The following GTF3C2 variants were observed in gnomAD, a reference collection of about 807,000 sequenced individuals.
The protein encoded by GTF3C2 is general transcription factor IIIC subunit 2.
In GTF3C2, 17 loss-of-function variants were observed where a neutral mutation model predicts 117.4. The observed-to-expected ratio is 0.14, with a 90% CI of 0.10 to 0.22. The LOEUF (loss-of-function observed/expected upper bound fraction) is 0.22. GTF3C2 is among the 10% of genes least tolerant of loss of function. GTF3C2 has a pLI of 1.00. For synonymous variants in GTF3C2, 437 were observed against 427.0 expected, an observed-to-expected ratio of 1.02 and a Z score of -0.29; for missense variants, 888 against 1,143.6, an observed-to-expected ratio of 0.78 and a Z score of 3.22.
Position 27,329,518 on chromosome 2 carries a change from C to G in GTF3C2, c.1738G>C (p.Val580Leu). ...TTAGTGGGAAGGTTCCAGAAAACCA[C>G]CATGCCTGAAATAAGGACAGAATGT... The change falls in exon 13 of 19, where the codon GTG becomes CTG. Residue 580 changes from valine (V) to leucine (L), a missense_variant. By Grantham distance (32) the Val-to-Leu change is conservative. This residue lies in a region of GTF3C2 where 277 missense variants were observed against 445.4 expected (regional missense o/e 0.62). Transcript: ENST00000264720. The surrounding 1 kb of genome is among the most constrained non-coding windows in gnomAD (Gnocchi z 4.5). 1 of 1,613,954 alleles carries G rather than the reference C, an allele frequency of 6.2e-7. No homozygotes were observed. Among genetic ancestry groups the G allele is most frequent in the Non-Finnish European group, 8.5e-7 (1 of 1,179,890 alleles).
intron 4 of GTF3C2, among the ~76,000 whole-genome samples, chr2:27,338,460 G>A (rs968798632): frequency 2.2e-4 from 17 of 76,184 alleles, no homozygotes; most frequent in South Asian, 1.5e-3. Context: ...GCGCACGCGC[G>A]CACACACACA....
intron 4 of GTF3C2, among the ~76,000 whole-genome samples, chr2:27,338,446 GCA>G (rs1558617591): frequency 6.0e-4 from 87 of 145,632 alleles, no homozygotes; most frequent in African/African-American, 1.3e-3. Context: ...ACACAGGCGC[GCA>G]CGCGCACGCG....
chr2:27,326,475 G>C (rs911192675), exon 19 of GTF3C2: 54 of 600,332 alleles, frequency 9.0e-5, no homozygotes, highest in African/African-American at 7.6e-4. Context: ...GGTGGAGGGA[G>C]AGCCCCCCTG....
Position 27,329,196 on chromosome 2 carries a change from C to G in GTF3C2, c.1964G>C (p.Arg655Pro), listed in dbSNP as rs183210129. 6.2e-7 allele frequency: 1 copy of G among 1,613,984 alleles called. No individual in the cohort carries two copies. The highest frequency in any genetic ancestry group is 2.2e-5 in the East Asian group (1 of 44,870). The change falls in exon 14 of 19, where the codon CGC becomes CCC. Residue 655 changes from arginine to proline, a missense_variant. Arg to Pro is a moderately radical substitution (Grantham distance 103). Transcript: ENST00000264720. This position sits in a 1 kb window ranked among gnomAD's most constrained non-coding sequence, Gnocchi z 4.5. ...CCAGGCCAGTTCTGTACTCAAGAAG[C>G]GCTTGATAGAGTTTATGGGTTCGTA...
intron 10 of GTF3C2, 181 bp downstream of exon 10, chr2:27,335,417 A>C: frequency 1.4e-6 from 1 of 712,280 alleles, no homozygotes; most frequent in Middle Eastern, 2.3e-4. Context: ...TACAGCTGTA[A>C]GACTGCAAAA....
Position 27,328,031 on chromosome 2 carries a change from GCTTAC to G in GTF3C2, c.2409+1_2409+5del. 1 of 1,608,572 alleles carries G rather than the reference GCTTAC, an allele frequency of 6.2e-7. No homozygotes were observed. Among genetic ancestry groups the G allele is most frequent in the Non-Finnish European group, 8.5e-7 (1 of 1,177,932 alleles). Reference sequence around the variant, plus strand: ...TACCACACCCATTCTCCTGGCCTCAGCTTACCAAATCTGTGTCTTGAAAGAGCAAG... The same window carrying G: ...TACCACACCCATTCTCCTGGCCTCAGCAAATCTGTGTCTTGAAAGAGCAAG... On this transcript the variant is annotated splice_donor_variant and splice_donor_5th_base_variant and intron_variant, in intron 17 of 18. Coordinates refer to ENST00000264720, the Ensembl canonical transcript of GTF3C2. LOFTEE classifies it high-confidence loss of function.
At chr2:27,333,760 C>G (rs752519823) in exon 12 of GTF3C2, 1 of 1,606,106 alleles carries the variant, frequency 6.2e-7, no homozygotes, top group Non-Finnish European at 8.5e-7. Context: ...ATAGACCCCA[C>G]CTGCAGAGTT....
chr2:27,343,227 G>T lies in GTF3C2; in HGVS notation c.248-80C>A, dbSNP rs1037625187. 121 of 1,534,696 alleles carry T rather than the reference G, an allele frequency of 7.9e-5. 2 individuals carry two copies. In the South Asian group the frequency reaches 1.4e-3, roughly 18 times the overall value. On this transcript the variant is annotated intron_variant, in intron 2 of 18. Transcript: ENST00000264720. ...AAAAGATTACACTGTACCCAGGTTT[G>T]TAAGATCCTATGAGCTCAATCTGCT... is the stretch of plus-strand genomic sequence containing the variant.
rs1680192107 is a variant in GTF3C2, at chr2:27,329,089, T to C, written c.2039+32A>G. ...TTTGCATTCCAACCCTTAGGGCCTG[T>C]CCCTAGAGGTCCTATCTCCATCTTG... is the stretch of plus-strand genomic sequence containing the variant. On this transcript the variant is annotated intron_variant, in intron 14 of 18. Transcript: ENST00000264720. The surrounding 1 kb of genome is among the most constrained non-coding windows in gnomAD (Gnocchi z 4.5). The C allele has an allele frequency of 6.2e-7, 1 of 1,610,164 alleles. No individual in the cohort carries two copies. Among genetic ancestry groups the C allele is most frequent in the African/African-American group, 1.3e-5 (1 of 74,876 alleles).
intron 1 of GTF3C2, among the ~76,000 whole-genome samples, chr2:27,352,680 TA>T (rs909333770): frequency 3.9e-5 from 6 of 152,152 alleles, no homozygotes; most frequent in African/African-American, 7.2e-5. Context: ...TATATAGATA[TA>T]AAAAAAGTTT....
chr2:27,356,324 G>A (rs1681377620), intron 1 of GTF3C2: 1 of 353,856 alleles, frequency 2.8e-6, no homozygotes, highest in Non-Finnish European at 5.6e-6. Flanking sequence ...AACCACTCTA[G>A]GGGCCATCAC....
intron 1 of GTF3C2, among the ~76,000 whole-genome samples, chr2:27,354,316 C>T (rs566037333): frequency 6.6e-6 from 1 of 151,936 alleles, no homozygotes; most frequent in South Asian, 2.1e-4. Flanking sequence ...TGACTCTTGG[C>T]AAGCATTCAA....
chr2:27,329,404 T>A lies in GTF3C2; in HGVS notation c.1852A>T (p.Thr618Ser). ...CTGTTAGCTTTGCACCATTGAAGGGTACGCACAGCCTGGTCATGGGCTAGG... is the reference window on the plus strand; with the variant it reads ...CTGTTAGCTTTGCACCATTGAAGGGAACGCACAGCCTGGTCATGGGCTAGG... The change falls in exon 13 of 19, where the codon ACC (threonine) becomes TCC (serine). Residue 618 changes from threonine to serine, a missense_variant. This residue lies in a region of GTF3C2 where 277 missense variants were observed against 445.4 expected (regional missense o/e 0.62). Transcript: ENST00000264720. This position sits in a 1 kb window ranked among gnomAD's most constrained non-coding sequence, Gnocchi z 4.5. 2.5e-6 allele frequency: 4 copies of A among 1,614,030 alleles called. No individual in the cohort carries two copies. Among genetic ancestry groups the A allele is most frequent in the Non-Finnish European group, 3.4e-6 (4 of 1,180,010 alleles).
chr2:27,339,130 C>G (rs114492292), intron 4 of GTF3C2, among the ~76,000 whole-genome samples: 8 of 151,952 alleles, frequency 5.3e-5, no homozygotes, highest in Admixed American at 5.2e-4. Context: ...TCAGTAAAGC[C>G]GGGCATGGTG....
At position 27,352,903 on chromosome 2, in the gene GTF3C2, G is replaced by A. The variant is rs564385220; in HGVS notation, c.-25+3836C>T. On this transcript the variant is annotated intron_variant, in intron 1 of 18. Transcript: ENST00000264720. The stretch of plus-strand genomic sequence containing the variant: ...CACTTTTCTTGAGAAGCAATTCAAC[G>A]AGCAGTAAAATTCCACAGTTTTACA... Among the ~76,000 whole-genome samples, 17 of 152,198 alleles carry A rather than the reference G, an allele frequency of 1.1e-4. 1 individual carries two copies. In the South Asian group the frequency reaches 2.9e-3, roughly 26 times the overall value.
At chr2:27,341,973 C>A (rs1169724342) in exon 4 of GTF3C2, 1 of 1,613,984 alleles carries the variant, frequency 6.2e-7, no homozygotes, top group East Asian at 2.2e-5. Context: ...TCGTGGGGTG[C>A]TTCGGGGCAC....
chr2:27,335,331 G>A (rs896484629), intron 10 of GTF3C2: 2 of 595,662 alleles, frequency 3.4e-6, no homozygotes, highest in African/African-American at 1.8e-5. Flanking sequence ...AGTTACCTGT[G>A]GCAGCAAGAG....
chr2:27,337,822 T>C, intron 5 of GTF3C2, 104 bp downstream of exon 5: 1 of 770,212 alleles, frequency 1.3e-6, no homozygotes, highest in African/African-American at 1.7e-5. Context: ...ATCACGGTAT[T>C]CCACCCATGA....
chr2:27,336,176 G>A (rs768060636), intron 8 of GTF3C2, 22 bp downstream of exon 8: 3 of 1,564,452 alleles, frequency 1.9e-6, no homozygotes, highest in East Asian at 4.5e-5. Context: ...CCCTCCCATG[G>A]CAGTGTCCAA....
Sources: allele counts gnomAD v4.1 joint callset (sites outside exome capture counted in the v4.1 genomes callset), GRCh38; gene constraint gnomAD v4.1.1; regional missense constraint gnomAD v4.1.1; non-coding constraint Gnocchi (gnomAD v3.1); transcripts MANE v1.5; gene names NCBI Gene and HGNC (gene_info 2026-07-23, HGNC 2026-07-21).